CGGBP1: variants seen among roughly 807,000 people sequenced by gnomAD.
The protein encoded by CGGBP1 is CGG triplet repeat binding protein 1.
CGGBP1 carries 4 observed loss-of-function variants against 11.4 expected under a neutral mutation model. The observed-to-expected ratio is 0.35, with a 90% CI of 0.17 to 0.80. The LOEUF is 0.80. CGGBP1 is among the 30% of genes least tolerant of loss of function. CGGBP1 has a pLI of 0.52. For missense variants in CGGBP1, 135 were observed against 202.1 expected (o/e 0.67, Z 2.01); for synonymous variants, 76 against 74.1 (o/e 1.03, Z -0.13).
At chr3:88,106,119 C>G (rs757471977) in intron 2 of CGGBP1, among the ~76,000 whole-genome samples, 5 of 152,164 alleles carry the variant, frequency 3.3e-5, no homozygotes, top group Non-Finnish European at 7.4e-5. Flanking sequence ...AAATAAGTTT[C>G]TCTTCATTAT....
intron 2 of CGGBP1, among the ~76,000 whole-genome samples, chr3:88,071,266 T>C (rs1163148589): frequency 1.3e-5 from 2 of 152,160 alleles, no homozygotes; most frequent in Non-Finnish European, 2.9e-5. Context: ...TCCCAGCACT[T>C]TGGGAGGCCA....
At chr3:88,122,449 T>G (rs1705826795) in intron 2 of CGGBP1, among the ~76,000 whole-genome samples, 1 of 152,214 alleles carries the variant, frequency 6.6e-6, no homozygotes. Context: ...ACACATGTTG[T>G]AGGTGCCTTC....
At chr3:88,116,557 T>TACACACACAC (rs745598873) in intron 2 of CGGBP1, among the ~76,000 whole-genome samples, 6,502 of 25,386 alleles carry the variant, frequency 0.26, 187 homozygotes, top group Non-Finnish European at 0.44. Flanking sequence ...TACATACATA[T>TACACACACAC]ATATACACAC....
chr3:88,079,140 A>G (rs749486071), intron 2 of CGGBP1, among the ~76,000 whole-genome samples: 8 of 152,082 alleles, frequency 5.3e-5, no homozygotes, highest in Non-Finnish European at 1.2e-4. Flanking sequence ...CTCAACCTAA[A>G]GTAACTTCAG....
intron 1 of CGGBP1, among the ~76,000 whole-genome samples, chr3:88,146,444 T>G (rs1042573102): frequency 3.3e-5 from 5 of 152,126 alleles, no homozygotes; most frequent in Non-Finnish European, 7.4e-5. Context: ...TTGGGAGGGT[T>G]TTTTGTTGTT....
upstream of CGGBP1, chr3:88,059,575 C>G (rs571442149): frequency 1.4e-6 from 2 of 1,442,198 alleles, no homozygotes; most frequent in African/African-American, 1.4e-5. Context: ...CTGGTCTTCT[C>G]GTCCATGAAT....
intron 2 of CGGBP1, chr3:88,139,918 C>T (rs371749343): frequency 6.2e-7 from 1 of 1,613,564 alleles, no homozygotes; most frequent in Non-Finnish European, 8.5e-7. Flanking sequence ...AAGTGTCCTG[C>T]TCTTGGTTGT....
chr3:88,144,569 A>G (rs954640001), intron 1 of CGGBP1: 9 of 152,422 alleles, frequency 5.9e-5, no homozygotes, highest in African/African-American at 2.2e-4. Context: ...AAACTGAGCC[A>G]TTGAACTGCA....
At chr3:88,096,889 A>G (rs757802627) in intron 2 of CGGBP1, among the ~76,000 whole-genome samples, 7 of 152,152 alleles carry the variant, frequency 4.6e-5, no homozygotes, top group African/African-American at 1.4e-4. Context: ...TAATGCATAT[A>G]TAAGAAAAAA....
chr3:88,124,597 C>G (rs1370373518), intron 2 of CGGBP1, among the ~76,000 whole-genome samples: 1 of 152,098 alleles, frequency 6.6e-6, no homozygotes, highest in Non-Finnish European at 1.5e-5. Context: ...GTGTTTGTAG[C>G]CACTTTGAAT....
intron 2 of CGGBP1, chr3:88,135,272 G>T: frequency 8.1e-7 from 1 of 1,229,168 alleles, no homozygotes; most frequent in South Asian, 2.1e-5. Context: ...AATCTCTTTT[G>T]ATAAAATTTA....
intron 2 of CGGBP1, among the ~76,000 whole-genome samples, chr3:88,119,813 C>T (rs775289690): frequency 1.6e-4 from 25 of 152,050 alleles, no homozygotes; most frequent in Non-Finnish European, 3.1e-4. Flanking sequence ...TTTTAAAATG[C>T]TAATGATAGG....
At chr3:88,104,173 T>A (rs563858583) in intron 2 of CGGBP1, among the ~76,000 whole-genome samples, 9 of 152,192 alleles carry the variant, frequency 5.9e-5, no homozygotes, top group Non-Finnish European at 1.2e-4. Flanking sequence ...TAAAGGGAGT[T>A]CCATAAGCAG....
chr3:88,070,563 GTTTTTTTTTT>G (rs67079285), intron 2 of CGGBP1, among the ~76,000 whole-genome samples: 1,187 of 111,150 alleles, frequency 0.011, 18 homozygotes, highest in Non-Finnish European at 0.015. Context: ...AACACTGCCT[GTTTTTTTTTT>G]TTTTTTTTTT....
intron 2 of CGGBP1, among the ~76,000 whole-genome samples, chr3:88,094,578 G>A (rs1462376368): frequency 6.6e-6 from 1 of 152,092 alleles, no homozygotes; most frequent in African/African-American, 2.4e-5. Context: ...AAGCTTGATA[G>A]TTCTCTTGGT....
chr3:88,139,091 A>G (rs1706968065), intron 2 of CGGBP1: 3 of 1,263,388 alleles, frequency 2.4e-6, no homozygotes, highest in Non-Finnish European at 3.0e-6. Context: ...TTAGATTTCT[A>G]AATGAAAGCA....
At chr3:88,114,680 G>A (rs564353728) in intron 2 of CGGBP1, among the ~76,000 whole-genome samples, 7 of 152,066 alleles carry the variant, frequency 4.6e-5, no homozygotes, top group Non-Finnish European at 7.4e-5. Flanking sequence ...TATCTTCTAG[G>A]ATAGGTTTCA....
intron 2 of CGGBP1, chr3:88,129,794 A>C: frequency 6.6e-7 from 1 of 1,526,096 alleles, no homozygotes; most frequent in Non-Finnish European, 8.8e-7. Flanking sequence ...TTCTTATTCC[A>C]CAGCTCCAGA....
chr3:88,141,191 AATAC>A (rs1707107250), intron 1 of CGGBP1: 2 of 921,170 alleles, frequency 2.2e-6, no homozygotes, highest in African/African-American at 1.7e-5. Flanking sequence ...TATTTCCTTT[AATAC>A]ATACAACCAC....
Sources: gnomAD v4.1 joint callset for allele counts (sites outside exome capture counted in the v4.1 genomes callset) on GRCh38, gnomAD v4.1.1 for gene constraint, MANE v1.5 for transcripts, NCBI Gene and HGNC (gene_info 2026-07-23, HGNC 2026-07-21) for gene names.